Variants in KLHL1 observed in about 807,000 individuals in gnomAD.
The protein encoded by KLHL1 is kelch like family member 1.
Under a neutral mutation model 77.7 loss-of-function variants are expected in KLHL1, and 47 were observed. The observed-to-expected ratio is 0.60, with a 90% CI of 0.48 to 0.77. KLHL1 has a LOEUF of 0.77. Among genes scored for constraint, KLHL1 ranks in the 30% least tolerant of loss-of-function variants. The pLI is 0.00. For synonymous variants in KLHL1, 360 were observed against 325.2 expected, an observed-to-expected ratio of 1.11 and a Z score of -1.15; for missense variants, 925 against 910.8, an observed-to-expected ratio of 1.02 and a Z score of -0.20.
At chr13:70,001,998 C>T (rs1885304576) in intron 1 of KLHL1, among the ~76,000 whole-genome samples, 1 of 151,442 alleles carries the variant, frequency 6.6e-6, no homozygotes, top group Admixed American at 6.6e-5. Flanking sequence ...AAAGTAAGAG[C>T]TAATCTACAT....
chr13:69,742,089 C>T (rs1251167388), intron 7 of KLHL1, among the ~76,000 whole-genome samples: 1 of 152,068 alleles, frequency 6.6e-6, no homozygotes, highest in Non-Finnish European at 1.5e-5. Flanking sequence ...GATTGCAAGC[C>T]TTCAATAAAG....
intron 4 of KLHL1, among the ~76,000 whole-genome samples, chr13:69,896,349 C>T (rs911397746): frequency 7.2e-5 from 11 of 152,084 alleles, no homozygotes; most frequent in Non-Finnish European, 1.6e-4. Flanking sequence ...TGTATCTTAT[C>T]GTTGGTTAAT....
intron 7 of KLHL1, among the ~76,000 whole-genome samples, chr13:69,754,547 A>G (rs1327211580): frequency 6.6e-6 from 1 of 152,144 alleles, no homozygotes; most frequent in Non-Finnish European, 1.5e-5. Flanking sequence ...TTTACTTTCC[A>G]ACTGGATTGT....
chr13:69,867,102 A>G (rs898512539), intron 5 of KLHL1, among the ~76,000 whole-genome samples: 8 of 152,244 alleles, frequency 5.3e-5, no homozygotes, highest in African/African-American at 1.4e-4. Flanking sequence ...GTAGGAATGG[A>G]TAGCCTCAGA....
chr13:70,049,732 T>C (rs1309884707), intron 1 of KLHL1, among the ~76,000 whole-genome samples: 3 of 152,108 alleles, frequency 2.0e-5, no homozygotes, highest in Non-Finnish European at 2.9e-5. Flanking sequence ...TATTTTTTAA[T>C]ATGAGGAAAA....
At chr13:69,773,377 C>G (rs1038657147) in intron 7 of KLHL1, among the ~76,000 whole-genome samples, 2 of 152,034 alleles carry the variant, frequency 1.3e-5, no homozygotes, top group African/African-American at 4.8e-5. Context: ...ATTCACTTTG[C>G]TCTCTCCTCT....
intron 6 of KLHL1, among the ~76,000 whole-genome samples, chr13:69,806,599 A>G (rs142376747): frequency 2.6e-5 from 4 of 152,162 alleles, no homozygotes; most frequent in East Asian, 3.9e-4. Context: ...ACGTGGGGAA[A>G]CAATAAGATA....
intron 5 of KLHL1, among the ~76,000 whole-genome samples, chr13:69,842,575 C>T (rs978382332): frequency 4.0e-5 from 6 of 151,684 alleles, no homozygotes; most frequent in African/African-American, 7.2e-5. Flanking sequence ...ATGAAACTTA[C>T]ATAGTGTTTG....
intron 8 of KLHL1, among the ~76,000 whole-genome samples, chr13:69,720,495 C>G (rs1872995629): frequency 6.6e-6 from 1 of 152,036 alleles, no homozygotes; most frequent in Non-Finnish European, 1.5e-5. Flanking sequence ...TCTGCTGAAA[C>G]AGGGATAGAC....
intron 5 of KLHL1, 89 bp downstream of exon 5, chr13:69,882,194 A>G (rs1881025777): frequency 1.2e-6 from 1 of 855,994 alleles, no homozygotes; most frequent in Admixed American, 2.1e-5. Flanking sequence ...AAATGTGAAT[A>G]CCTAATTAAA....
intron 7 of KLHL1, among the ~76,000 whole-genome samples, chr13:69,774,268 G>C (rs1875715548): frequency 1.3e-5 from 2 of 151,810 alleles, no homozygotes; most frequent in Non-Finnish European, 2.9e-5. Flanking sequence ...GTTTCAAAAG[G>C]TTTTAATAAA....
intron 1 of KLHL1, among the ~76,000 whole-genome samples, chr13:70,019,343 T>A (rs1027447178): frequency 2.3e-5 from 3 of 132,054 alleles, no homozygotes; most frequent in Non-Finnish European, 4.8e-5. Context: ...GGAAGAAGAA[T>A]CACAGAACTG....
At chr13:69,934,904 G>A (rs1883118852) in intron 4 of KLHL1, among the ~76,000 whole-genome samples, 1 of 146,570 alleles carries the variant, frequency 6.8e-6, no homozygotes, top group Admixed American at 6.9e-5. Context: ...TTTATGGGAG[G>A]GTTCCCATTG....
At chr13:69,796,508 CCCTTTG>C (rs1419417271) in intron 7 of KLHL1, among the ~76,000 whole-genome samples, 1 of 152,156 alleles carries the variant, frequency 6.6e-6, no homozygotes, top group Non-Finnish European at 1.5e-5. Context: ...TGCATGGCCT[CCCTTTG>C]CCTTCTGTCA....
At chr13:70,057,086 T>C (rs1886760333) in intron 1 of KLHL1, among the ~76,000 whole-genome samples, 1 of 151,894 alleles carries the variant, frequency 6.6e-6, no homozygotes, top group African/African-American at 2.4e-5. Context: ...ATAAATAAAA[T>C]TAGAGATAAA....
intron 4 of KLHL1, among the ~76,000 whole-genome samples, chr13:69,926,543 T>A (rs989111189): frequency 6.6e-6 from 1 of 152,134 alleles, no homozygotes; most frequent in African/African-American, 2.4e-5. Flanking sequence ...GTAGACTAAA[T>A]GTAATGCCTA....
At chr13:69,752,117 T>G (rs1217473635) in intron 7 of KLHL1, among the ~76,000 whole-genome samples, 1 of 152,142 alleles carries the variant, frequency 6.6e-6, no homozygotes, top group Non-Finnish European at 1.5e-5. Flanking sequence ...TACAAAGCAC[T>G]TAGAAAAGTG....
At chr13:70,084,374 CAAGCACAAAGTA>C (rs542758689) in intron 1 of KLHL1, among the ~76,000 whole-genome samples, 229 of 152,026 alleles carry the variant, frequency 1.5e-3, no homozygotes, top group African/African-American at 5.1e-3. Flanking sequence ...CTTATGTCTC[CAAGCACAAAGTA>C]AAAGTGAAAG....
chr13:69,924,947 C>T (rs1032807663), intron 4 of KLHL1, among the ~76,000 whole-genome samples: 1 of 152,202 alleles, frequency 6.6e-6, no homozygotes, highest in Admixed American at 6.5e-5. Flanking sequence ...GCTCACCCTC[C>T]TGCAGTCAGC....
Sources: gnomAD v4.1 joint callset for allele counts (sites outside exome capture counted in the v4.1 genomes callset) on GRCh38, gnomAD v4.1.1 for gene constraint, MANE v1.5 for transcripts, NCBI Gene and HGNC (gene_info 2026-07-23, HGNC 2026-07-21) for gene names.